The following TMEM232 variants were observed in gnomAD, a reference collection of about 807,000 sequenced individuals.
The protein encoded by TMEM232 is transmembrane protein 232.
In TMEM232, 80 loss-of-function variants were observed where a neutral mutation model predicts 78.8. That is an observed-to-expected ratio of 1.01 (90% CI 0.85 to 1.22). TMEM232 has a LOEUF of 1.22. Among genes scored for constraint, TMEM232 ranks in the 50% most tolerant of loss-of-function variants. The pLI is 0.00. For missense variants in TMEM232, 881 were observed against 742.2 expected, an observed-to-expected ratio of 1.19 and a Z score of -2.17; for synonymous variants, 297 against 254.3, an observed-to-expected ratio of 1.17 and a Z score of -1.60.
chr5:110,717,313 A>G (rs1364194457), intron 1 of TMEM232, among the ~76,000 whole-genome samples: 1 of 152,120 alleles, frequency 6.6e-6, no homozygotes, highest in African/African-American at 2.4e-5. Flanking sequence ...ACAGAGGTCC[A>G]AGAATCCAAG....
At chr5:110,559,653 G>T (rs769763057) in intron 11 of TMEM232, among the ~76,000 whole-genome samples, 2 of 152,106 alleles carry the variant, frequency 1.3e-5, no homozygotes, top group African/African-American at 2.4e-5. Context: ...GAATGTCTAC[G>T]TTAAAAAGGC....
At chr5:110,718,968 T>C (rs1797300540) in intron 1 of TMEM232, among the ~76,000 whole-genome samples, 1 of 151,978 alleles carries the variant, frequency 6.6e-6, no homozygotes, top group Non-Finnish European at 1.5e-5. Flanking sequence ...CACTTAATGA[T>C]GGAGATATGT....
At chr5:110,693,776 CA>C (rs1345764182) in intron 1 of TMEM232, among the ~76,000 whole-genome samples, 1 of 152,128 alleles carries the variant, frequency 6.6e-6, no homozygotes, top group Non-Finnish European at 1.5e-5. Context: ...AAGAAACAAA[CA>C]AAGCCTCCAA....
intron 3 of TMEM232, 50 bp from the exon 4 acceptor site, chr5:110,641,046 T>C: frequency 1.7e-6 from 2 of 1,147,134 alleles, no homozygotes; most frequent in Non-Finnish European, 1.2e-6. Context: ...CATATTTTTA[T>C]ATATATATTT....
intron 12 of TMEM232, among the ~76,000 whole-genome samples, chr5:110,470,023 G>A (rs745516268): frequency 5.3e-5 from 8 of 152,032 alleles, no homozygotes; most frequent in South Asian, 2.1e-4. Flanking sequence ...GTTGGAGTTC[G>A]TACTCCTGCT....
At chr5:110,672,488 C>G (rs1168383021) in intron 1 of TMEM232, among the ~76,000 whole-genome samples, 1 of 152,056 alleles carries the variant, frequency 6.6e-6, no homozygotes, top group Non-Finnish European at 1.5e-5. Context: ...AATTTGTGCC[C>G]TCTAATATAT....
chr5:110,688,222 TATAGATAC>T (rs764607303), intron 1 of TMEM232, among the ~76,000 whole-genome samples: 16 of 152,156 alleles, frequency 1.1e-4, no homozygotes, highest in Non-Finnish European at 2.4e-4. Context: ...TGGATAACCA[TATAGATAC>T]ATAGAGACAT....
At chr5:110,494,816 A>T (rs1344084075) in intron 12 of TMEM232, among the ~76,000 whole-genome samples, 1 of 151,992 alleles carries the variant, frequency 6.6e-6, no homozygotes, top group Admixed American at 6.6e-5. Flanking sequence ...TACCTGAACC[A>T]TAATATTGAT....
chr5:110,616,482 T>C (rs1038897161), intron 8 of TMEM232, among the ~76,000 whole-genome samples: 1 of 151,984 alleles, frequency 6.6e-6, no homozygotes, highest in Non-Finnish European at 1.5e-5. Context: ...AACCCACATA[T>C]TTAAAGAAAA....
intron 12 of TMEM232, among the ~76,000 whole-genome samples, chr5:110,502,931 T>C (rs1216624344): frequency 1.3e-5 from 2 of 152,218 alleles, no homozygotes; most frequent in African/African-American, 4.8e-5. Flanking sequence ...TATCATCTGG[T>C]TAATTTCAAT....
intron 10 of TMEM232, among the ~76,000 whole-genome samples, chr5:110,577,686 T>C (rs75691633): frequency 0.21 from 32,626 of 152,004 alleles, 5,195 homozygotes; most frequent in African/African-American, 0.45. Flanking sequence ...GAATACTATG[T>C]AGCCATAAAA....
At chr5:110,627,392 A>C (rs1784550682) in intron 6 of TMEM232, among the ~76,000 whole-genome samples, 1 of 152,118 alleles carries the variant, frequency 6.6e-6, no homozygotes, top group Non-Finnish European at 1.5e-5. Context: ...AGCATCTGGA[A>C]CAGGGAGTAG....
intron 1 of TMEM232, among the ~76,000 whole-genome samples, chr5:110,681,243 C>A (rs1434215401): frequency 6.6e-6 from 1 of 152,096 alleles, no homozygotes; most frequent in African/African-American, 2.4e-5. Context: ...GGGTGAGACT[C>A]CCAGTGATGC....
At chr5:110,523,030 G>A (rs1351954516) in intron 12 of TMEM232, among the ~76,000 whole-genome samples, 1 of 152,118 alleles carries the variant, frequency 6.6e-6, no homozygotes, top group Non-Finnish European at 1.5e-5. Context: ...AAGCTACTGG[G>A]CAAGGGCTTT....
At chr5:110,423,053 C>T (rs1331373635) in intron 13 of TMEM232, among the ~76,000 whole-genome samples, 1 of 151,986 alleles carries the variant, frequency 6.6e-6, no homozygotes, top group African/African-American at 2.4e-5. Flanking sequence ...TTTTCTATTC[C>T]CTGCATATGA....
intron 11 of TMEM232, among the ~76,000 whole-genome samples, chr5:110,550,462 C>CA (rs1436211733): frequency 6.6e-6 from 1 of 151,404 alleles, no homozygotes; most frequent in Non-Finnish European, 1.5e-5. Flanking sequence ...ATGATGCTCA[C>CA]AAAAAAACAT....
At chr5:110,582,246 C>T (rs538663196) in intron 10 of TMEM232, among the ~76,000 whole-genome samples, 22 of 151,846 alleles carry the variant, frequency 1.4e-4, no homozygotes, top group Non-Finnish European at 3.2e-4. Context: ...ATAGCAAAGA[C>T]ATGGAATCAA....
chr5:110,427,737 T>C (rs1333362720), intron 12 of TMEM232, among the ~76,000 whole-genome samples: 1 of 151,944 alleles, frequency 6.6e-6, no homozygotes, highest in East Asian at 1.9e-4. Flanking sequence ...ATTCCTGGGC[T>C]TGTAGATACT....
intron 2 of TMEM232, among the ~76,000 whole-genome samples, chr5:110,405,617 T>C (rs10051968): frequency 0.098 from 14,811 of 151,248 alleles, 927 homozygotes; most frequent in South Asian, 0.18. Flanking sequence ...AAGTTAAAAT[T>C]ATAATATTTG....
Sources: gnomAD v4.1 joint callset for allele counts (sites outside exome capture counted in the v4.1 genomes callset) on GRCh38, gnomAD v4.1.1 for gene constraint, MANE v1.5 for transcripts, NCBI Gene and HGNC (gene_info 2026-07-23, HGNC 2026-07-21) for gene names.